TTC28: variants seen among roughly 807,000 people sequenced by gnomAD.
TTC28 encodes tetratricopeptide repeat domain 28.
In TTC28, 61 loss-of-function variants were observed where a neutral mutation model predicts 198.0. The observed-to-expected ratio is 0.31, with a 90% confidence interval of 0.25 to 0.38. The LOEUF is 0.38. Ranked by LOEUF, TTC28 falls within the 10% of genes least tolerant of loss-of-function variation. The pLI is 1.00. For synonymous variants in TTC28, 1,171 were observed against 1,297.8 expected (o/e 0.90, Z 2.10); for missense variants, 2,678 against 3,164.0 (o/e 0.85, Z 3.69).
chr22:28,263,960 A>T (rs542617623), intron 5 of TTC28, among the ~76,000 whole-genome samples: 1 of 152,180 alleles, frequency 6.6e-6, no homozygotes, highest in East Asian at 1.9e-4. Context: ...CTGTGTTTAG[A>T]TCTGCACTTT....
chr22:28,282,115 G>A (rs1569237960), intron 5 of TTC28, among the ~76,000 whole-genome samples: 2 of 152,092 alleles, frequency 1.3e-5, no homozygotes, highest in African/African-American at 4.8e-5. Context: ...CTTTTTCCAA[G>A]TGTTAATTCT....
chr22:28,508,275 T>C lies in TTC28; in HGVS notation c.381+121277A>G, dbSNP rs184526919. ...CTGGTTTCTGACAAAACACACTTTATTTATTTATTTAGTTTTATTTTATTT... is the reference window on the plus strand; with the variant it reads ...CTGGTTTCTGACAAAACACACTTTACTTATTTATTTAGTTTTATTTTATTT... On this transcript the variant is annotated intron_variant, in intron 2 of 22. Coordinates refer to ENST00000397906, the MANE Select transcript of TTC28 (RefSeq NM_001145418.2). Among the ~76,000 whole-genome samples, 6 of 152,048 alleles carry C rather than the reference T, an allele frequency of 3.9e-5. 1 individual carries two copies. Among genetic ancestry groups the C allele is most frequent in the Non-Finnish European group, 8.8e-5 (6 of 67,966 alleles).
intron 5 of TTC28, among the ~76,000 whole-genome samples, chr22:28,211,834 C>T (rs1413307988): frequency 6.6e-6 from 1 of 152,172 alleles, no homozygotes; most frequent in East Asian, 1.9e-4. Flanking sequence ...ATACATTCTT[C>T]TCAGCACCAT....
chr22:28,496,873 A>C (rs1474774368), intron 2 of TTC28, among the ~76,000 whole-genome samples: 1 of 152,002 alleles, frequency 6.6e-6, no homozygotes, highest in Non-Finnish European at 1.5e-5. Context: ...CCTCCTCCTC[A>C]CTTGCTCCAG....
chr22:28,633,773 C>T (rs915639296), intron 1 of TTC28, among the ~76,000 whole-genome samples: 1 of 152,092 alleles, frequency 6.6e-6, no homozygotes, highest in Non-Finnish European at 1.5e-5. Flanking sequence ...CTAAGGAAAA[C>T]TTAGGTCCTC....
At chr22:28,392,390 G>T (rs1403569070) in intron 2 of TTC28, among the ~76,000 whole-genome samples, 1 of 152,194 alleles carries the variant, frequency 6.6e-6, no homozygotes, top group African/African-American at 2.4e-5. Context: ...CTTCTGGGCT[G>T]CTTTGTTTAC....
chr22:28,291,803 C>T (rs2044792863), intron 5 of TTC28, among the ~76,000 whole-genome samples: 1 of 152,010 alleles, frequency 6.6e-6, no homozygotes, highest in Admixed American at 6.5e-5. Flanking sequence ...AAATATATAA[C>T]AGTAGGAAAA....
At chr22:28,181,653 T>C (rs954188720) in intron 5 of TTC28, among the ~76,000 whole-genome samples, 1 of 152,170 alleles carries the variant, frequency 6.6e-6, no homozygotes, top group African/African-American at 2.4e-5. Context: ...TGAAGGACTA[T>C]AAATGGTGAG....
At chr22:28,378,020 C>CA (rs999895677) in intron 2 of TTC28, among the ~76,000 whole-genome samples, 3 of 151,544 alleles carry the variant, frequency 2.0e-5, no homozygotes, top group Admixed American at 6.6e-5. Context: ...AGACACAAAG[C>CA]AAAAAAAATG....
At position 28,344,430 on chromosome 22, in the gene TTC28, C is replaced by T. The variant is rs142943077; in HGVS notation, c.382-37787G>A. On this transcript the variant is annotated intron_variant, in intron 2 of 22. Coordinates refer to ENST00000397906, the MANE Select transcript of TTC28 (RefSeq NM_001145418.2). The stretch of plus-strand genomic sequence containing the variant: ...CAAATACCTTATTGTTAGTATTGAA[C>T]CATGACACTGACACCACTAGCCAAA... 3.4e-3 allele frequency among the ~76,000 whole-genome samples: 517 copies of T among 152,092 alleles called. 2 individuals carry two copies. The highest frequency in any genetic ancestry group is 6.8e-3 in the Middle Eastern group (2 of 292).
intron 2 of TTC28, among the ~76,000 whole-genome samples, chr22:28,524,138 T>A (rs989472699): frequency 2.0e-5 from 3 of 152,168 alleles, no homozygotes; most frequent in African/African-American, 7.2e-5. Context: ...TTGAATTTTT[T>A]AAAAGTCATT....
At chr22:28,310,193 C>T (rs2045231916) in intron 2 of TTC28, among the ~76,000 whole-genome samples, 1 of 150,708 alleles carries the variant, frequency 6.6e-6, no homozygotes, top group Admixed American at 6.6e-5. Flanking sequence ...GACAAGAGCA[C>T]CCTCAAGGTG....
intron 2 of TTC28, among the ~76,000 whole-genome samples, chr22:28,509,825 A>T (rs2048664014): frequency 6.6e-6 from 1 of 152,154 alleles, no homozygotes; most frequent in East Asian, 1.9e-4. Flanking sequence ...AAACACAATA[A>T]AAAAATGATA....
intron 2 of TTC28, among the ~76,000 whole-genome samples, chr22:28,417,300 T>TA (rs68164494): frequency 0.02 from 901 of 44,656 alleles, 49 homozygotes; most frequent in African/African-American, 0.036. Context: ...CTGTCTCTAC[T>TA]AAAAAAAAAA....
chr22:28,089,073 A>T (rs1941723953), intron 12 of TTC28, among the ~76,000 whole-genome samples: 1 of 152,352 alleles, frequency 6.6e-6, no homozygotes, highest in Admixed American at 6.5e-5. Flanking sequence ...TTGGGACTGT[A>T]AACTAGTTCA....
chr22:28,028,617 G>C (rs1938939172), intron 13 of TTC28, among the ~76,000 whole-genome samples: 1 of 152,232 alleles, frequency 6.6e-6, no homozygotes, highest in Non-Finnish European at 1.5e-5. Context: ...CTTGAGGTAG[G>C]AAGGGAAGAA....
intron 2 of TTC28, among the ~76,000 whole-genome samples, chr22:28,501,666 A>C (rs1455741104): frequency 6.6e-6 from 1 of 152,222 alleles, no homozygotes; most frequent in African/African-American, 2.4e-5. Flanking sequence ...TACCCCATAA[A>C]TATGTAAAAT....
chr22:28,566,270 T>A (rs1170832328), intron 2 of TTC28, among the ~76,000 whole-genome samples: 1 of 152,082 alleles, frequency 6.6e-6, no homozygotes, highest in East Asian at 1.9e-4. Flanking sequence ...CAAGACACAC[T>A]CTATCATCAT....
intron 2 of TTC28, among the ~76,000 whole-genome samples, chr22:28,510,660 A>G (rs2048675516): frequency 6.6e-6 from 1 of 152,144 alleles, no homozygotes; most frequent in South Asian, 2.1e-4. Flanking sequence ...CGCGAGGGCA[A>G]TAGAGCAAGA....
Sources: allele counts gnomAD v4.1 joint callset (sites outside exome capture counted in the v4.1 genomes callset), GRCh38; gene constraint gnomAD v4.1.1; transcripts MANE v1.5; gene names NCBI Gene and HGNC (gene_info 2026-07-23, HGNC 2026-07-21).